LMNTD1: variants seen among roughly 807,000 people sequenced by gnomAD.
The protein encoded by LMNTD1 is lamin tail domain-containing protein 1.
LMNTD1 carries 35 observed loss-of-function variants against 50.9 expected under a neutral mutation model. The observed-to-expected ratio is 0.69, with a 90% CI of 0.53 to 0.91. The LOEUF (loss-of-function observed/expected upper bound fraction) is 0.91, where lower values mean the gene tolerates loss of function less well. Ranked by LOEUF, LMNTD1 falls within the 40% of genes least tolerant of loss-of-function variation. LMNTD1 has a pLI of 0.00. For missense variants in LMNTD1, 470 were observed against 475.5 expected (o/e 0.99, Z 0.11); for synonymous variants, 153 against 161.9 (o/e 0.94, Z 0.42).
intron 1 of LMNTD1, among the ~76,000 whole-genome samples, chr12:25,561,428 C>T (rs1944317885): frequency 6.6e-6 from 1 of 152,216 alleles, no homozygotes; most frequent in African/African-American, 2.4e-5. Context: ...GCAGGTTGTT[C>T]AGTTTCCATG....
Position 25,591,811 on chromosome 12 carries a change from C to CAGAGAGAGAGAGAGAGAGAG in LMNTD1, c.59-45277_59-45258dup, listed in dbSNP as rs58392351. ...ACCTCCAGCTCCTAATAGCTCAGAACAGAGAGAGAGAGAGAGAGAGAGAGA... is the reference window on the plus strand; with the variant it reads ...ACCTCCAGCTCCTAATAGCTCAGAACAGAGAGAGAGAGAGAGAGAGAGAGAGAGAGAGAGAGAGAGAGAGA... On this transcript the variant is annotated intron_variant, in intron 1 of 7. Coordinates refer to the LMNTD1 transcript ENST00000445693. Among the ~76,000 whole-genome samples the CAGAGAGAGAGAGAGAGAGAG allele has an allele frequency of 6.0e-4, 54 of 90,084 alleles. 1 individual carries two copies. The highest frequency in any genetic ancestry group is 2.7e-3 in the Admixed American group (23 of 8,640). 59.1% of individuals were successfully genotyped at this position (90,084 alleles called of 152,430 possible).
At chr12:25,500,425 C>T (rs894407625) in intron 9 of LMNTD1, among the ~76,000 whole-genome samples, 6 of 152,146 alleles carry the variant, frequency 3.9e-5, no homozygotes, top group Non-Finnish European at 7.4e-5. Flanking sequence ...CCAGTTTAGA[C>T]CACTGAGGAC....
intron 6 of LMNTD1, 60 bp from the exon 7 acceptor site, chr12:25,520,135 A>T: frequency 1.9e-5 from 7 of 370,306 alleles, no homozygotes; most frequent in Non-Finnish European, 3.4e-5. Context: ...ACATGCTGTT[A>T]TGAGATATAC....
chr12:25,558,559 T>C (rs1439759869), intron 1 of LMNTD1, among the ~76,000 whole-genome samples: 2 of 152,230 alleles, frequency 1.3e-5, no homozygotes, highest in African/African-American at 4.8e-5. Flanking sequence ...TTAATTTCTA[T>C]GTTGTATTAG....
chr12:25,537,943 C>T (rs372378874), intron 4 of LMNTD1, among the ~76,000 whole-genome samples: 11 of 147,328 alleles, frequency 7.5e-5, no homozygotes, highest in Admixed American at 1.4e-4. Flanking sequence ...CCTCAGGAGC[C>T]GATGCGATCA....
At chr12:25,620,206 G>A (rs1946441214) in intron 1 of LMNTD1, among the ~76,000 whole-genome samples, 1 of 152,096 alleles carries the variant, frequency 6.6e-6, no homozygotes, top group African/African-American at 2.4e-5. Flanking sequence ...AGATGGAATA[G>A]CAACACCATC....
At chr12:25,584,938 T>C (rs1945456315) in intron 1 of LMNTD1, among the ~76,000 whole-genome samples, 1 of 152,362 alleles carries the variant, frequency 6.6e-6, no homozygotes, top group South Asian at 2.1e-4. Flanking sequence ...AAACTTTCTT[T>C]GCATCAAAAG....
intron 2 of LMNTD1, among the ~76,000 whole-genome samples, chr12:25,551,352 T>C (rs1591993145): frequency 6.6e-6 from 1 of 152,116 alleles, no homozygotes; most frequent in African/African-American, 2.4e-5. Flanking sequence ...AGCTATAGGG[T>C]GTTCTTATTT....
At chr12:25,647,686 C>A (rs2136641357) in intron 1 of LMNTD1, among the ~76,000 whole-genome samples, 1 of 152,180 alleles carries the variant, frequency 6.6e-6, no homozygotes, top group South Asian at 2.1e-4. Context: ...ATGAATACAC[C>A]AATTACTAAT....
At position 25,574,073 on chromosome 12, in the gene LMNTD1, A is replaced by G. The variant is rs555183955; in HGVS notation, c.59-27519T>C. ...ATTCAGCTCTTTAGGACAGAACTCA[A>G]TGCCCCATATTCTCTTGTGTTTACT... On this transcript the variant is annotated intron_variant, in intron 1 of 7. Coordinates refer to the LMNTD1 transcript ENST00000445693. Among the ~76,000 whole-genome samples the G allele has an allele frequency of 2.0e-5, 3 of 152,282 alleles. No homozygotes were observed. In the East Asian group the frequency reaches 5.8e-4, roughly 29 times the overall value.
intron 2 of LMNTD1, among the ~76,000 whole-genome samples, chr12:25,552,305 A>G (rs1216766341): frequency 6.6e-6 from 1 of 152,064 alleles, no homozygotes; most frequent in Admixed American, 6.6e-5. Context: ...ATTTCTGTAA[A>G]TTGACTTAAC....
rs1054408708 is a variant in LMNTD1, at chr12:25,549,218, T to C, written c.310+108A>G. The C allele has an allele frequency of 2.8e-5, 17 of 604,158 alleles. No homozygotes were observed. The East Asian group carries it at 3.7e-4, about 13-fold the overall frequency. 37.4% of individuals were successfully genotyped at this position (604,158 alleles called of 1,614,324 possible). ...ATAAGATGCTAGGAAGTTAGCATTT[T>C]GGGGGAGTAATAATAAAACATCATT... On this transcript the variant is annotated intron_variant, in intron 3 of 9. Coordinates refer to ENST00000458174, the MANE Select transcript of LMNTD1 (RefSeq NM_001145728.2).
At chr12:25,603,532 AC>A (rs923690622) in intron 1 of LMNTD1, among the ~76,000 whole-genome samples, 3 of 151,976 alleles carry the variant, frequency 2.0e-5, no homozygotes, top group Admixed American at 6.6e-5. Context: ...AGATTAATAC[AC>A]CTTTTTTAAG....
chr12:25,594,982 A>G lies in LMNTD1; in HGVS notation c.59-48428T>C, dbSNP rs117367211. On this transcript the variant is annotated intron_variant, in intron 1 of 7. Transcript: ENST00000445693. ...AAAGCAACAGCAGTTAAAAAAGATAAATAGGGACATTATATAATGATAAAA... is the reference window on the plus strand; with the variant it reads ...AAAGCAACAGCAGTTAAAAAAGATAGATAGGGACATTATATAATGATAAAA... Among the ~76,000 whole-genome samples, 227 of 152,290 alleles carry G rather than the reference A, an allele frequency of 1.5e-3. 3 individuals carry two copies. In the East Asian group the frequency reaches 0.024, roughly 16 times the overall value.
Position 25,609,954 on chromosome 12 carries a change from A to C in LMNTD1, c.58+38540T>G, listed in dbSNP as rs11608782. 2.1e-3 allele frequency among the ~76,000 whole-genome samples: 320 copies of C among 152,178 alleles called. 2 individuals are homozygous for C. Among genetic ancestry groups the C allele is most frequent in the South Asian group, 0.018 (86 of 4,818 alleles). ...AGCTATGCCCAGCCCCCAGAGGTGGAGTTTACAAAGGCAGGTGGGCCTAGT... is the reference window on the plus strand; with the variant it reads ...AGCTATGCCCAGCCCCCAGAGGTGGCGTTTACAAAGGCAGGTGGGCCTAGT... On this transcript the variant is annotated intron_variant, in intron 1 of 7. Transcript: ENST00000445693.
intron 1 of LMNTD1, among the ~76,000 whole-genome samples, chr12:25,599,834 G>C (rs185119866): frequency 4.3e-4 from 66 of 152,064 alleles, no homozygotes; most frequent in African/African-American, 1.5e-3. Flanking sequence ...CCATGTTCAT[G>C]GATTGGGAGA....
At chr12:25,576,883 G>A (rs575967001) in intron 1 of LMNTD1, among the ~76,000 whole-genome samples, 1 of 152,174 alleles carries the variant, frequency 6.6e-6, no homozygotes, top group Admixed American at 6.5e-5. Context: ...GTGTAAGGAA[G>A]GGATCCAGTT....
intron 4 of LMNTD1, 83 bp downstream of exon 4, chr12:25,546,291 C>G: frequency 1.3e-6 from 1 of 757,342 alleles, no homozygotes; most frequent in Non-Finnish European, 2.0e-6. Context: ...ATGCATATAA[C>G]TACAGATTAG....
At chr12:25,607,158 T>C (rs1946128291) in intron 1 of LMNTD1, among the ~76,000 whole-genome samples, 1 of 152,118 alleles carries the variant, frequency 6.6e-6, no homozygotes, top group Admixed American at 6.5e-5. Flanking sequence ...AGTTTGTATT[T>C]ATGTGGGATT....
Sources: gnomAD v4.1 joint callset for allele counts (sites outside exome capture counted in the v4.1 genomes callset) on GRCh38, gnomAD v4.1.1 for gene constraint, MANE v1.5 for transcripts, NCBI Gene and HGNC (gene_info 2026-07-23, HGNC 2026-07-21) for gene names.